KCTD1: variants seen among roughly 807,000 people sequenced by gnomAD.
The protein encoded by KCTD1 is potassium channel tetramerization domain containing 1.
A neutral mutation model predicts 66.0 loss-of-function variants in KCTD1; 24 were observed. The ratio of observed to expected loss-of-function variants is 0.36; its 90% CI spans 0.26 to 0.51. The LOEUF is 0.51. Among genes scored for constraint, KCTD1 ranks in the 20% least tolerant of loss-of-function variants. KCTD1 has a pLI of 0.95. For missense variants in KCTD1, 943 were observed against 1,205.2 expected (o/e 0.78, Z 3.22); for synonymous variants, 511 against 517.2 (o/e 0.99, Z 0.16).
intron 1 of KCTD1, among the ~76,000 whole-genome samples, chr18:26,626,258 A>G (rs1378478471): frequency 6.6e-6 from 1 of 152,152 alleles, no homozygotes; most frequent in African/African-American, 2.4e-5. Context: ...AGCCTATGCC[A>G]GCACTGTTCC....
chr18:26,641,529 G>C (rs1359227012), upstream of KCTD1, among the ~76,000 whole-genome samples: 1 of 152,054 alleles, frequency 6.6e-6, no homozygotes, highest in Non-Finnish European at 1.5e-5. Flanking sequence ...CTTCTGTTCA[G>C]TTTCCTTTTT....
intron 1 of KCTD1, among the ~76,000 whole-genome samples, chr18:26,508,285 T>A (rs912820557): frequency 6.6e-6 from 1 of 152,188 alleles, no homozygotes; most frequent in Non-Finnish European, 1.5e-5. Flanking sequence ...CCATCTCACC[T>A]ACCCAACAGA....
intron 1 of KCTD1, among the ~76,000 whole-genome samples, chr18:26,525,783 A>G (rs922862145): frequency 3.3e-5 from 5 of 152,166 alleles, no homozygotes; most frequent in African/African-American, 1.2e-4. Flanking sequence ...GTGCAGTGAC[A>G]TGATCATAGC....
chr18:26,615,408 G>A (rs1987228064), intron 1 of KCTD1, among the ~76,000 whole-genome samples: 1 of 152,180 alleles, frequency 6.6e-6, no homozygotes, highest in Non-Finnish European at 1.5e-5. Context: ...AGGGTTTTAG[G>A]GGAGGAGTCC....
intron 1 of KCTD1, among the ~76,000 whole-genome samples, chr18:26,580,279 A>G (rs1986322060): frequency 6.6e-6 from 1 of 152,160 alleles, no homozygotes; most frequent in Non-Finnish European, 1.5e-5. Flanking sequence ...AGTGACAACA[A>G]GGACAGTAGG....
chr18:26,655,600 G>C (rs1336742467), intron 1 of KCTD1: 5 of 152,256 alleles, frequency 3.3e-5, no homozygotes, highest in African/African-American at 1.2e-4. Flanking sequence ...CTGGGATCCT[G>C]GACAGTTCTG....
At chr18:26,655,803 TGGC>T (rs536879179) in intron 1 of KCTD1, 6 of 152,410 alleles carry the variant, frequency 3.9e-5, no homozygotes, top group Admixed American at 2.0e-4. Flanking sequence ...CAAGTTGCGG[TGGC>T]GGGGCGGCTG....
chr18:26,605,751 T>C (rs1469058882), intron 1 of KCTD1, among the ~76,000 whole-genome samples: 1 of 150,078 alleles, frequency 6.7e-6, no homozygotes, highest in African/African-American at 2.5e-5. Flanking sequence ...TATCTATCTA[T>C]CTATCTATCT....
chr18:26,657,462 A>G (rs1319981433), upstream of KCTD1: 15 of 881,218 alleles, frequency 1.7e-5, no homozygotes, highest in South Asian at 5.2e-5. Context: ...TCGCCACACC[A>G]GAGAGAAATG....
chr18:26,582,850 A>G (rs534733043), intron 1 of KCTD1, among the ~76,000 whole-genome samples: 21 of 152,186 alleles, frequency 1.4e-4, no homozygotes, highest in African/African-American at 5.1e-4. Flanking sequence ...TGCATAGACT[A>G]TCTTTAGAAA....
At chr18:26,497,029 A>T (rs1345058691) in intron 2 of KCTD1, among the ~76,000 whole-genome samples, 5 of 152,126 alleles carry the variant, frequency 3.3e-5, no homozygotes, top group Non-Finnish European at 7.4e-5. Context: ...GGTGCTTCTA[A>T]TGTTCAGCTG....
intron 1 of KCTD1, among the ~76,000 whole-genome samples, chr18:26,514,549 CAA>C (rs200444964): frequency 7.4e-5 from 9 of 121,822 alleles, no homozygotes; most frequent in African/African-American, 1.1e-4. Flanking sequence ...GACCTTGTCT[CAA>C]AAAAAAAAAA....
intron 1 of KCTD1, among the ~76,000 whole-genome samples, chr18:26,558,784 A>G (rs8095112): frequency 0.22 from 33,798 of 151,940 alleles, 5,347 homozygotes; most frequent in African/African-American, 0.45. Flanking sequence ...TTAGCTGGGC[A>G]TGGTGGCACG....
At chr18:26,583,074 T>A (rs1251229449) in intron 1 of KCTD1, among the ~76,000 whole-genome samples, 15 of 151,452 alleles carry the variant, frequency 9.9e-5, no homozygotes, top group African/African-American at 3.4e-4. Flanking sequence ...GATGGTAATT[T>A]AAAAAAAATA....
intron 2 of KCTD1, among the ~76,000 whole-genome samples, chr18:26,479,334 C>A (rs1981508720): frequency 6.6e-6 from 1 of 152,076 alleles, no homozygotes; most frequent in Non-Finnish European, 1.5e-5. Flanking sequence ...GGGAATTTTT[C>A]TTATGAGGGG....
At position 26,455,845 on chromosome 18, in the gene KCTD1, T is replaced by G; in HGVS notation, c.2496A>C (p.Gly832=). 1.2e-6 allele frequency: 2 copies of G among 1,614,126 alleles called. No homozygotes were observed. The highest frequency in any genetic ancestry group is 1.7e-6 in the Non-Finnish European group (2 of 1,180,012). Residue 832 remains glycine, a synonymous_variant, in exon 5 of 5, where the codon GGA becomes GGC. Coordinates refer to ENST00000580059, the MANE Select transcript of KCTD1 (RefSeq NM_001142730.3). ...GFEIVGSCGG[G]VDSSQFSEYV... ...ATTCGCTGAACTGGGACGAGTCTAC[T>G]CCTCCCCCACAGGAGCCCACGATTT...
At chr18:26,562,206 C>T (rs1338629766) in intron 1 of KCTD1, among the ~76,000 whole-genome samples, 1 of 152,066 alleles carries the variant, frequency 6.6e-6, no homozygotes, top group Non-Finnish European at 1.5e-5. Flanking sequence ...GCTCCACTTC[C>T]ACTGAAGCAC....
chr18:26,532,338 T>C (rs1984490251), intron 1 of KCTD1, among the ~76,000 whole-genome samples: 2 of 144,772 alleles, frequency 1.4e-5, no homozygotes, highest in African/African-American at 5.2e-5. Flanking sequence ...GGCACAATCA[T>C]AGCTCACTGC....
At chr18:26,600,493 G>A (rs73944646) in intron 1 of KCTD1, among the ~76,000 whole-genome samples, 31,442 of 152,002 alleles carry the variant, frequency 0.21, 3,468 homozygotes, top group Middle Eastern at 0.28. Context: ...AGCTGGCTGG[G>A]GGGGGTGCAG....
Sources: allele counts gnomAD v4.1 joint callset (sites outside exome capture counted in the v4.1 genomes callset), GRCh38; gene constraint gnomAD v4.1.1; transcripts MANE v1.5; gene names NCBI Gene and HGNC (gene_info 2026-07-23, HGNC 2026-07-21).